FAM118B: variants seen among roughly 807,000 people sequenced by gnomAD.
FAM118B encodes the protein protein FAM118B.
A neutral mutation model predicts 38.5 loss-of-function variants in FAM118B; 24 were observed. The ratio of observed to expected loss-of-function variants is 0.62; its 90% CI spans 0.45 to 0.88. FAM118B has a LOEUF of 0.88. Among genes scored for constraint, FAM118B ranks in the 40% least tolerant of loss-of-function variants. The probability of loss-of-function intolerance (pLI) is 0.00; values close to 1 mark genes in which losing one functional copy is unlikely to be tolerated. For missense variants in FAM118B, 334 were observed against 420.0 expected (o/e 0.80, Z 1.79); for synonymous variants, 138 against 156.3 (o/e 0.88, Z 0.87).
chr11:126,262,097 TTC>T lies in FAM118B; in HGVS notation c.1043-19_1043-18del, dbSNP rs1565343522. 6 of 1,613,924 alleles carry T rather than the reference TTC, an allele frequency of 3.7e-6. No homozygotes were observed. In the South Asian group the frequency reaches 4.4e-5, roughly 12 times the overall value. On this transcript the variant is annotated intron_variant, in intron 8 of 8. Coordinates refer to ENST00000533050, the MANE Select transcript of FAM118B (RefSeq NM_024556.4). Reference sequence around the variant, plus strand: ...ACCTGTTTTGTGAAACTTCATTTTGTTCTCTTTTCTTTCTCCCTACAGGCTGT... The same window carrying T: ...ACCTGTTTTGTGAAACTTCATTTTGTTCTTTTCTTTCTCCCTACAGGCTGT...
chr11:126,217,313 A>G (rs928257939), intron 1 of FAM118B, among the ~76,000 whole-genome samples: 1 of 152,082 alleles, frequency 6.6e-6, no homozygotes, highest in Non-Finnish European at 1.5e-5. Flanking sequence ...GTTGTGATAG[A>G]TTTGTATTTA....
intron 4 of FAM118B, 102 bp downstream of exon 4, chr11:126,241,146 G>A (rs1950352379): frequency 8.1e-7 from 1 of 1,232,912 alleles, no homozygotes; most frequent in South Asian, 1.5e-5. Flanking sequence ...AAATGTAACA[G>A]GGATATTCAT....
intron 1 of FAM118B, among the ~76,000 whole-genome samples, chr11:126,220,247 G>A (rs749750653): frequency 7.2e-5 from 11 of 152,166 alleles, no homozygotes; most frequent in Non-Finnish European, 1.5e-4. Flanking sequence ...CTTGGGCCCA[G>A]GCTGCCCAGC....
At chr11:126,228,806 G>T (rs545767506) in intron 1 of FAM118B, among the ~76,000 whole-genome samples, 3 of 152,024 alleles carry the variant, frequency 2.0e-5, no homozygotes, top group African/African-American at 4.8e-5. Context: ...TGATCCACCC[G>T]CCTTGGCCCC....
intron 4 of FAM118B, among the ~76,000 whole-genome samples, chr11:126,246,324 T>C (rs10893490): frequency 0.092 from 13,975 of 152,194 alleles, 1,900 homozygotes; most frequent in African/African-American, 0.3. Context: ...CAGGCCTATC[T>C]ACCGAGCCAG....
At chr11:126,238,969 A>T in intron 3 of FAM118B, among the ~76,000 whole-genome samples, 1 of 148,390 alleles carries the variant, frequency 6.7e-6, no homozygotes. Flanking sequence ...TTTAAGTGGA[A>T]GTCTTTTTTT....
intron 4 of FAM118B, among the ~76,000 whole-genome samples, chr11:126,241,653 G>A (rs867606741): frequency 6.6e-6 from 1 of 151,854 alleles, no homozygotes; most frequent in Non-Finnish European, 1.5e-5. Flanking sequence ...GGGTTCAAGC[G>A]ATTCTCCTGT....
intron 1 of FAM118B, among the ~76,000 whole-genome samples, chr11:126,222,787 ACTT>A (rs1950081760): frequency 6.6e-6 from 1 of 152,336 alleles, no homozygotes; most frequent in Admixed American, 6.5e-5. Flanking sequence ...GAATGTTTGA[ACTT>A]CTTCTGCACC....
intron 7 of FAM118B, chr11:126,261,200 G>A (rs1034691960): frequency 1.5e-4 from 81 of 546,702 alleles, no homozygotes; most frequent in South Asian, 5.5e-4. Context: ...ACAAGCAATC[G>A]TAGTGCACTG....
At chr11:126,224,388 T>A (rs1007588296) in intron 1 of FAM118B, among the ~76,000 whole-genome samples, 2 of 147,996 alleles carry the variant, frequency 1.4e-5, no homozygotes, top group African/African-American at 5.0e-5. Context: ...ATGGGAAGAT[T>A]GCTTGAGCCC....
intron 3 of FAM118B, among the ~76,000 whole-genome samples, chr11:126,240,499 C>T (rs1299267483): frequency 1.3e-5 from 2 of 152,056 alleles, no homozygotes; most frequent in East Asian, 1.9e-4. Context: ...CTATTTGGAT[C>T]TTTTCCTAAT....
At chr11:126,254,568 C>T in intron 6 of FAM118B, 135 bp downstream of exon 6, 1 of 1,202,256 alleles carries the variant, frequency 8.3e-7, no homozygotes, top group Non-Finnish European at 1.2e-6. Flanking sequence ...AGCAGTGGCT[C>T]ATGCCTATAA....
intron 6 of FAM118B, 94 bp downstream of exon 6, chr11:126,254,527 A>AC: frequency 1.3e-6 from 2 of 1,520,600 alleles, no homozygotes; most frequent in Non-Finnish European, 1.8e-6. Flanking sequence ...TCTTCTTTTC[A>AC]TTAAGTGAAA....
At chr11:126,248,236 G>C (rs1950443963) in intron 4 of FAM118B, among the ~76,000 whole-genome samples, 1 of 151,360 alleles carries the variant, frequency 6.6e-6, no homozygotes, top group Admixed American at 6.6e-5. Flanking sequence ...AATTGTATTT[G>C]TAGGATACAT....
intron 1 of FAM118B, among the ~76,000 whole-genome samples, chr11:126,226,607 ACTCT>A (rs1302511298): frequency 6.6e-6 from 1 of 152,048 alleles, no homozygotes. Flanking sequence ...CTACTAGTCT[ACTCT>A]CTTTCTCTTT....
chr11:126,211,948 C>T (rs372598059), intron 1 of FAM118B, 118 bp downstream of exon 1: 8 of 351,170 alleles, frequency 2.3e-5, no homozygotes, highest in African/African-American at 1.7e-4. Context: ...AAACGTTTCT[C>T]CTTTTGGTAC....
chr11:126,214,490 G>GTTTTGTTT (rs1949942835), intron 1 of FAM118B: 1 of 25,814 alleles, frequency 3.9e-5, no homozygotes, highest in South Asian at 1.3e-3. Flanking sequence ...TTTTGTTTCT[G>GTTTTGTTT]TTTTTTTTTT....
rs145711940 is a variant in FAM118B at position 126,256,602 on chromosome 11, T to G, written c.732T>G (p.Phe244Leu). 3 of 1,614,060 alleles carry G rather than the reference T, an allele frequency of 1.9e-6. 1 individual carries two copies. The highest frequency in any genetic ancestry group is 2.5e-6 in the Non-Finnish European group (3 of 1,180,002). Residue 244 changes from phenylalanine (F) to leucine (L), a missense_variant, in exon 7 of 9, where the codon TTT becomes TTG. Physicochemically the swap from Phe to Leu is conservative, Grantham distance 22. Around this residue, in one of 3 missense-constraint regions of FAM118B, gnomAD observed 240 missense variants for 295.9 expected, o/e 0.81. Transcript: ENST00000533050. This position sits in a 1 kb window ranked among gnomAD's most constrained non-coding sequence, Gnocchi z 6.6. ...AGAAACTCTACGAAAACAAGTCATT[T>G]CTTTTCCTGGGCTGTGGCTGGACTG... is the stretch of plus-strand genomic sequence containing the variant. ...EIQKLYENKS[F>L]LFLGCGWTVD...
chr11:126,219,585 C>A lies in FAM118B; in HGVS notation c.-77+7755C>A, dbSNP rs187021061. ...CCTATTGTTTATATGCCTTAAGAGT[C>A]AAATTAACAGAGTACATAAGAAACA... On this transcript the variant is annotated intron_variant, in intron 1 of 8. Coordinates refer to ENST00000533050, the MANE Select transcript of FAM118B (RefSeq NM_024556.4). 2.6e-4 allele frequency among the ~76,000 whole-genome samples: 39 copies of A among 151,826 alleles called. No individual in the cohort carries two copies. The East Asian group carries it at 4.6e-3, about 18-fold the overall frequency.
Sources: allele counts gnomAD v4.1 joint callset (sites outside exome capture counted in the v4.1 genomes callset), GRCh38; gene constraint gnomAD v4.1.1; regional missense constraint gnomAD v4.1.1; non-coding constraint Gnocchi (gnomAD v3.1); transcripts MANE v1.5; gene names NCBI Gene and HGNC (gene_info 2026-07-23, HGNC 2026-07-21).